The following RPS6KC1 variants were observed in gnomAD, a reference collection of about 807,000 sequenced individuals.
The protein encoded by RPS6KC1 is ribosomal protein S6 kinase C1.
A neutral mutation model predicts 103.8 loss-of-function variants in RPS6KC1; 54 were observed. The ratio of observed to expected loss-of-function variants is 0.52; its 90% confidence interval spans 0.42 to 0.65. The LOEUF is 0.65. RPS6KC1 is among the 30% of genes least tolerant of loss of function. RPS6KC1 has a pLI of 0.00. For synonymous variants in RPS6KC1, 439 were observed against 438.7 expected (o/e 1.00, Z -0.01); for missense variants, 1,151 against 1,253.8 (o/e 0.92, Z 1.24).
chr1:213,485,104 A>G, the RPS6KC1 span, among the ~76,000 whole-genome samples: 1 of 152,240 alleles, frequency 6.6e-6, no homozygotes, highest in South Asian at 2.1e-4. Context: ...GGGCTCAAGC[A>G]ATCCTCCCAT....
At chr1:213,205,216 A>G in intron 8 of RPS6KC1, 2 of 982,906 alleles carry the variant, frequency 2.0e-6, no homozygotes, top group South Asian at 9.4e-5. Flanking sequence ...TCTACTTTTT[A>G]ATCTACTCTA....
the RPS6KC1 span, among the ~76,000 whole-genome samples, chr1:213,730,756 TGCA>T: frequency 6.6e-6 from 1 of 152,252 alleles, no homozygotes; most frequent in Non-Finnish European, 1.5e-5. Context: ...TCTTTTTCTG[TGCA>T]GAAGCTTGTT....
chr1:213,471,704 C>T, the RPS6KC1 span, among the ~76,000 whole-genome samples: 4 of 151,806 alleles, frequency 2.6e-5, no homozygotes, highest in Non-Finnish European at 1.5e-5. Context: ...TTCCATTTTT[C>T]CCCATTTAAA....
chr1:213,326,234 C>G, the RPS6KC1 span, among the ~76,000 whole-genome samples: 677 of 151,978 alleles, frequency 4.5e-3, 10 homozygotes, highest in African/African-American at 0.015. Flanking sequence ...AAAAAGACAG[C>G]AGTCAAAGGC....
chr1:213,315,294 C>T, the RPS6KC1 span, among the ~76,000 whole-genome samples: 871 of 152,332 alleles, frequency 5.7e-3, 6 homozygotes, highest in Non-Finnish European at 8.1e-3. Context: ...TTTCCCTTCC[C>T]TCTCTGTCCA....
At chr1:213,631,420 G>T in the RPS6KC1 span, among the ~76,000 whole-genome samples, 5 of 151,134 alleles carry the variant, frequency 3.3e-5, no homozygotes, top group Non-Finnish European at 5.9e-5. Context: ...CTCTTACAGG[G>T]TGTATTGTAT....
At chr1:213,155,225 T>G (rs1173434598) in intron 6 of RPS6KC1, among the ~76,000 whole-genome samples, 1 of 151,388 alleles carries the variant, frequency 6.6e-6, no homozygotes, top group Non-Finnish European at 1.5e-5. Flanking sequence ...GTTAAGGGAG[T>G]GGTGATGCCA....
chr1:213,133,735 G>T (rs1403545825), intron 6 of RPS6KC1, among the ~76,000 whole-genome samples: 1 of 152,142 alleles, frequency 6.6e-6, no homozygotes, highest in Non-Finnish European at 1.5e-5. Flanking sequence ...TATAGGTGGA[G>T]AAAACTAAGA....
the RPS6KC1 span, among the ~76,000 whole-genome samples, chr1:213,435,790 T>C: frequency 6.6e-6 from 1 of 152,240 alleles, no homozygotes; most frequent in Non-Finnish European, 1.5e-5. Context: ...TGTTAAATAC[T>C]TGATGGGAAC....
At chr1:213,068,471 A>G (rs2078537927) in intron 1 of RPS6KC1, among the ~76,000 whole-genome samples, 2 of 138,790 alleles carry the variant, frequency 1.4e-5, no homozygotes, top group African/African-American at 2.8e-5. Context: ...GTGACAGAGC[A>G]AGACTCTGTC....
intron 8 of RPS6KC1, among the ~76,000 whole-genome samples, chr1:213,223,525 A>G (rs1281127319): frequency 6.6e-6 from 1 of 152,162 alleles, no homozygotes; most frequent in Non-Finnish European, 1.5e-5. Context: ...AAGTTGCTGC[A>G]AAAGACATTA....
At chr1:213,054,961 A>G (rs952869505) in intron 1 of RPS6KC1, among the ~76,000 whole-genome samples, 1 of 152,204 alleles carries the variant, frequency 6.6e-6, no homozygotes, top group African/African-American at 2.4e-5. Flanking sequence ...ATATTGTAGT[A>G]TAGATTTCTC....
At position 213,072,547 on chromosome 1, in the gene RPS6KC1, CAA is replaced by C. The variant is rs60376245; in HGVS notation, c.141+1520_141+1521del. Among the ~76,000 whole-genome samples the C allele has an allele frequency of 3.0e-3, 292 of 96,340 alleles. 1 individual carries two copies. Among genetic ancestry groups the C allele is most frequent in the African/African-American group, 0.011 (270 of 25,170 alleles). 63.2% of individuals were successfully genotyped at this position (96,340 alleles called of 152,430 possible). A position where few individuals can be genotyped will look rare whatever the true frequency, so the allele number is the denominator to read the frequency against. The stretch of plus-strand genomic sequence containing the variant: ...TGAGCAACAGAGTGAGACTCTGTCT[CAA>C]AAAAAAAAAAAAATAGATTTAATAC... On this transcript the variant is annotated intron_variant, in intron 2 of 14. Transcript: ENST00000366960.
chr1:213,354,988 T>G, the RPS6KC1 span, among the ~76,000 whole-genome samples: 2 of 152,022 alleles, frequency 1.3e-5, no homozygotes, highest in Non-Finnish European at 2.9e-5. Context: ...GAGGCCGAGG[T>G]GGGCGGATCA....
chr1:213,114,025 A>G (rs2083309254), intron 4 of RPS6KC1, among the ~76,000 whole-genome samples: 1 of 151,892 alleles, frequency 6.6e-6, no homozygotes, highest in Non-Finnish European at 1.5e-5. Flanking sequence ...TTGGCTTAGG[A>G]TTGACTTGGC....
At chr1:213,618,542 A>T in the RPS6KC1 span, among the ~76,000 whole-genome samples, 1 of 152,216 alleles carries the variant, frequency 6.6e-6, no homozygotes, top group Admixed American at 6.5e-5. Flanking sequence ...AATGGTAACC[A>T]TTATTATGCA....
chr1:213,379,094 C>G, the RPS6KC1 span, among the ~76,000 whole-genome samples: 1 of 152,162 alleles, frequency 6.6e-6, no homozygotes, highest in East Asian at 1.9e-4. Flanking sequence ...AGACCCTTGA[C>G]CTTTCTGAGC....
At chr1:213,384,344 G>A in the RPS6KC1 span, among the ~76,000 whole-genome samples, 2 of 151,944 alleles carry the variant, frequency 1.3e-5, no homozygotes, top group African/African-American at 4.8e-5. Flanking sequence ...AAATCATGAA[G>A]GTTTGACATT....
At chr1:213,242,477 T>G in intron 11 of RPS6KC1, 92 bp from the exon 12 acceptor site, 2 of 1,157,704 alleles carry the variant, frequency 1.7e-6, no homozygotes, top group East Asian at 2.4e-5. Flanking sequence ...TTAATGATAC[T>G]GTTTTTAGCT....
Sources: gnomAD v4.1 joint callset for allele counts (sites outside exome capture counted in the v4.1 genomes callset) on GRCh38, gnomAD v4.1.1 for gene constraint, MANE v1.5 for transcripts, NCBI Gene and HGNC (gene_info 2026-07-23, HGNC 2026-07-21) for gene names.